Variants in PI4KA observed in about 807,000 individuals in gnomAD.
PI4KA encodes PI4-kinase alpha.
In PI4KA, 122 loss-of-function variants were observed where a neutral mutation model predicts 271.4. That is an observed-to-expected ratio of 0.45 (90% CI 0.39 to 0.52). The LOEUF is 0.52. Ranked by LOEUF, PI4KA falls within the 20% of genes least tolerant of loss-of-function variation. The probability of loss-of-function intolerance (pLI) is 0.00; values close to 1 mark genes in which losing one functional copy is unlikely to be tolerated. For missense variants in PI4KA, 1,969 were observed against 2,769.1 expected (o/e 0.71, Z 6.48); for synonymous variants, 1,041 against 1,078.8 (o/e 0.96, Z 0.69).
At chr22:20,729,217 G>T in intron 39 of PI4KA, 96 bp downstream of exon 39, 2 of 1,012,090 alleles carry the variant, frequency 2.0e-6, no homozygotes. Context: ...GAAAGGGGCT[G>T]CAGGGCACTC....
intron 13 of PI4KA, 106 bp downstream of exon 13, chr22:20,803,085 G>A (rs1368369418): frequency 1.5e-5 from 17 of 1,140,432 alleles, no homozygotes; most frequent in Non-Finnish European, 2.2e-5. Context: ...AAGGAAAGGT[G>A]TGGCGAAGGA....
intron 26 of PI4KA, 74 bp from the exon 27 acceptor site, chr22:20,751,450 C>G: frequency 7.9e-7 from 1 of 1,267,764 alleles, no homozygotes; most frequent in Non-Finnish European, 1.1e-6. Flanking sequence ...TGGGCCACCC[C>G]TACCCACCAC....
intron 25 of PI4KA, 102 bp downstream of exon 25, chr22:20,752,801 T>C (rs1568989978): frequency 4.7e-6 from 6 of 1,287,190 alleles, no homozygotes; most frequent in Non-Finnish European, 6.6e-6. Context: ...TCTGACTCCA[T>C]TTTTTCCTAG....
At chr22:20,779,798 G>A (rs374297570) in intron 19 of PI4KA, 41 of 1,614,082 alleles carry the variant, frequency 2.5e-5, no homozygotes, top group Non-Finnish European at 3.2e-5. Flanking sequence ...CTACTGCGAT[G>A]GGTATGATTT....
At chr22:20,728,393 T>A (rs1377164277) in intron 39 of PI4KA, among the ~76,000 whole-genome samples, 1 of 152,254 alleles carries the variant, frequency 6.6e-6, no homozygotes, top group Non-Finnish European at 1.5e-5. Context: ...GGAACTTTCT[T>A]AAAGAAACAG....
chr22:20,733,716 A>G lies in PI4KA; in HGVS notation c.4160+20T>C, dbSNP rs764372117. The G allele has an allele frequency of 3.7e-6, 6 of 1,613,772 alleles. No homozygotes were observed. The highest frequency in any genetic ancestry group is 3.3e-5 in the South Asian group (3 of 91,072). On this transcript the variant is annotated intron_variant, in intron 35 of 54. Coordinates refer to ENST00000255882, the MANE Select transcript of PI4KA (RefSeq NM_058004.4). The stretch of plus-strand genomic sequence containing the variant: ...GCTGCGCCGTCCCTGGACGCTGCAC[A>G]GCACATCTTGGGGGAGTACCTGAAG...
At chr22:20,813,634 G>A (rs1921362891) in intron 7 of PI4KA, 128 bp from the exon 8 acceptor site, 1 of 737,456 alleles carries the variant, frequency 1.4e-6, no homozygotes, top group Non-Finnish European at 2.2e-6. Flanking sequence ...TTCTCTGCAT[G>A]TTTTTAAATT....
chr22:20,817,733 C>CTAAAAA (rs1569068087), intron 7 of PI4KA, among the ~76,000 whole-genome samples: 1 of 21,394 alleles, frequency 4.7e-5, no homozygotes, highest in African/African-American at 1.6e-4. Context: ...GACTCTCTCT[C>CTAAAAA]CAAAAAAAAA....
chr22:20,844,082 A>G (rs1361409930), intron 1 of PI4KA, among the ~76,000 whole-genome samples: 5 of 152,166 alleles, frequency 3.3e-5, no homozygotes, highest in East Asian at 1.9e-4. Flanking sequence ...ACTTGATGTA[A>G]TATCTCCCAT....
intron 7 of PI4KA, among the ~76,000 whole-genome samples, chr22:20,814,570 G>A (rs577702487): frequency 1.3e-5 from 2 of 150,052 alleles, no homozygotes; most frequent in South Asian, 4.2e-4. Flanking sequence ...GGCAATATAG[G>A]GAGATCCTGT....
intron 22 of PI4KA, among the ~76,000 whole-genome samples, chr22:20,763,858 A>AGGGCAGGGAGGAGGAGACT (rs1295884818): frequency 2.6e-5 from 4 of 152,176 alleles, no homozygotes; most frequent in Admixed American, 6.5e-5. Context: ...CCCCGGGCTG[A>AGGGCAGGGAGGAGGAGACT]GGGCAGGGAG....
At chr22:20,805,317 A>G (rs567936691) in intron 10 of PI4KA, 152 bp from the exon 11 acceptor site, 86 of 589,428 alleles carry the variant, frequency 1.5e-4, no homozygotes, top group Non-Finnish European at 2.2e-4. Context: ...TGCCCACTGG[A>G]AAGAAGTTGG....
chr22:20,803,059 G>A lies in PI4KA; in HGVS notation c.1591+132C>T, dbSNP rs73877792. The A allele has an allele frequency of 7.3e-4, 662 of 902,660 alleles. 3 individuals are homozygous for A. The African/African-American group carries it at 9.6e-3, about 13-fold the overall frequency. 55.9% of individuals were successfully genotyped at this position (902,660 alleles called of 1,614,324 possible). On this transcript the variant is annotated intron_variant, in intron 13 of 54. Coordinates refer to ENST00000255882, the MANE Select transcript of PI4KA (RefSeq NM_058004.4). ...GAAAGGCCTGGAGCTTGGAGGGGACGCAAAGGGAAAGACAGAAGGAAAGGT... is the reference window on the plus strand; with the variant it reads ...GAAAGGCCTGGAGCTTGGAGGGGACACAAAGGGAAAGACAGAAGGAAAGGT...
chr22:20,776,164 A>G (rs545782062), intron 19 of PI4KA, among the ~76,000 whole-genome samples: 1 of 152,192 alleles, frequency 6.6e-6, no homozygotes, highest in South Asian at 2.1e-4. Context: ...TTTACCAAAA[A>G]CACAAAAAAT....
intron 22 of PI4KA, among the ~76,000 whole-genome samples, chr22:20,761,720 A>G (rs1931991421): frequency 6.6e-6 from 1 of 152,236 alleles, no homozygotes; most frequent in African/African-American, 2.4e-5. Flanking sequence ...TACCCATTCG[A>G]TGACACATCA....
intron 9 of PI4KA, among the ~76,000 whole-genome samples, chr22:20,808,969 G>A (rs989814772): frequency 2.0e-5 from 3 of 152,102 alleles, no homozygotes; most frequent in African/African-American, 7.2e-5. Flanking sequence ...GTGAGCAGGT[G>A]GAGAAAAAAA....
chr22:20,847,251 G>C (rs1321837687), intron 1 of PI4KA, among the ~76,000 whole-genome samples: 1 of 151,708 alleles, frequency 6.6e-6, no homozygotes, highest in African/African-American at 2.4e-5. Flanking sequence ...TAACAAACCT[G>C]CACATCCTGC....
At chr22:20,847,178 G>A (rs1017937780) in intron 1 of PI4KA, among the ~76,000 whole-genome samples, 1 of 151,270 alleles carries the variant, frequency 6.6e-6, no homozygotes, top group Non-Finnish European at 1.5e-5. Context: ...ATAGCTAATG[G>A]ATGCTGGGCT....
At chr22:20,745,479 T>G (rs908022589) in intron 29 of PI4KA, among the ~76,000 whole-genome samples, 1 of 152,038 alleles carries the variant, frequency 6.6e-6, no homozygotes, top group African/African-American at 2.4e-5. Context: ...TTAGAGGGAT[T>G]TTTTTTTGAG....
Sources: gnomAD v4.1 joint callset for allele counts (sites outside exome capture counted in the v4.1 genomes callset) on GRCh38, gnomAD v4.1.1 for gene constraint, MANE v1.5 for transcripts, NCBI Gene and HGNC (gene_info 2026-07-23, HGNC 2026-07-21) for gene names.